The following ASAP1 variants were observed in gnomAD, a reference collection of about 807,000 sequenced individuals.
ASAP1 encodes ArfGAP with SH3 domain, ankyrin repeat and PH domain 1.
In ASAP1, 43 loss-of-function variants were observed where a neutral mutation model predicts 145.2. That is an observed-to-expected ratio of 0.30 (90% CI 0.23 to 0.38). The LOEUF is 0.38. Among genes scored for constraint, ASAP1 ranks in the 10% least tolerant of loss-of-function variants. The probability of loss-of-function intolerance (pLI) is 1.00; values close to 1 mark genes in which losing one functional copy is unlikely to be tolerated. For synonymous variants in ASAP1, 546 were observed against 515.5 expected (o/e 1.06, Z -0.80); for missense variants, 1,018 against 1,355.3 (o/e 0.75, Z 3.91).
rs1173812599 is a variant in ASAP1 at position 130,053,307 on chromosome 8, T to G, written c.*1424A>C. 6.6e-6 allele frequency: 1 copy of G among 152,258 alleles called. No homozygotes were observed. The highest frequency in any genetic ancestry group is 1.5e-5 in the Non-Finnish European group (1 of 68,032). The allele number at this position is 152,258 out of a possible 1,614,324, so 9.4% of individuals were successfully genotyped here. A position where few individuals can be genotyped will look rare whatever the true frequency, so the allele number is the denominator to read the frequency against. ...GCAAATGTAGTGCCAGAATGACACATGAGCCTCGGACTCAGGGAACAGTTC... is the reference window on the plus strand; with the variant it reads ...GCAAATGTAGTGCCAGAATGACACAGGAGCCTCGGACTCAGGGAACAGTTC... On this transcript the variant is annotated 3_prime_UTR_variant, in exon 30 of 30. Coordinates refer to ENST00000518721, the MANE Select transcript of ASAP1 (RefSeq NM_018482.4).
intron 1 of ASAP1, among the ~76,000 whole-genome samples, chr8:130,436,496 G>A (rs953284402): frequency 6.6e-6 from 1 of 152,164 alleles, no homozygotes; most frequent in Non-Finnish European, 1.5e-5. Flanking sequence ...TTTTTGGAGA[G>A]GTGAGGTTTC....
intron 3 of ASAP1, among the ~76,000 whole-genome samples, chr8:130,256,156 C>T (rs1586694829): frequency 6.6e-6 from 1 of 152,152 alleles, no homozygotes; most frequent in East Asian, 1.9e-4. Context: ...TTATGTTCCA[C>T]TAGGTATTGT....
chr8:130,233,892 T>C (rs574477764), intron 4 of ASAP1, among the ~76,000 whole-genome samples: 84 of 152,252 alleles, frequency 5.5e-4, no homozygotes, highest in African/African-American at 2.0e-3. Context: ...ACGAAAAACA[T>C]AGTACTAGTC....
chr8:130,098,677 A>G (rs924296206), intron 24 of ASAP1, among the ~76,000 whole-genome samples: 1 of 152,200 alleles, frequency 6.6e-6, no homozygotes. Flanking sequence ...ACAATTGTAC[A>G]TATTTATAGG....
At chr8:130,412,494 G>A (rs554170688) in intron 1 of ASAP1, among the ~76,000 whole-genome samples, 11 of 152,012 alleles carry the variant, frequency 7.2e-5, no homozygotes, top group Admixed American at 5.2e-4. Flanking sequence ...CCCAGAAGCC[G>A]AGCAGATGCC....
intron 25 of ASAP1, chr8:130,082,762 T>C (rs2097484005): frequency 6.7e-6 from 1 of 149,072 alleles, no homozygotes; most frequent in Non-Finnish European, 1.5e-5. Flanking sequence ...CTCACTGTAT[T>C]TCCCAGGCTG....
chr8:130,183,100 A>G (rs1026713657), intron 7 of ASAP1, among the ~76,000 whole-genome samples: 4 of 152,148 alleles, frequency 2.6e-5, no homozygotes, highest in Non-Finnish European at 4.4e-5. Flanking sequence ...TCAAACTTGT[A>G]AACAGAAAGA....
rs1829658085 is a variant in ASAP1, at chr8:130,420,163, G to C, written c.-27-18193C>G. ...GGTGAGAAGATGCTTAAAGGCATTA[G>C]TCATTAGGGAAATGCAAATCAAAAC... On this transcript the variant is annotated intron_variant, in intron 1 of 29. Transcript: ENST00000518721. Among the ~76,000 whole-genome samples the C allele has an allele frequency of 2.6e-5, 4 of 151,174 alleles. No homozygotes were observed. In the South Asian group the frequency reaches 8.4e-4, roughly 32 times the overall value.
At chr8:130,430,150 A>G (rs1830088525) in intron 1 of ASAP1, among the ~76,000 whole-genome samples, 1 of 152,258 alleles carries the variant, frequency 6.6e-6, no homozygotes, top group South Asian at 2.1e-4. Context: ...TCTCGAATTT[A>G]GCAAAAGAGA....
At chr8:130,423,889 T>C (rs1276542346) in intron 1 of ASAP1, among the ~76,000 whole-genome samples, 1 of 151,672 alleles carries the variant, frequency 6.6e-6, no homozygotes, top group Non-Finnish European at 1.5e-5. Context: ...AAAGGTTATC[T>C]AGGGCTGGGG....
chr8:130,368,302 T>A (rs1827055649), intron 2 of ASAP1, among the ~76,000 whole-genome samples: 1 of 152,198 alleles, frequency 6.6e-6, no homozygotes, highest in African/African-American at 2.4e-5. Flanking sequence ...GGGTTTTGTG[T>A]GAATAAACTA....
chr8:130,155,383 G>A (rs908949124), intron 12 of ASAP1, among the ~76,000 whole-genome samples: 2 of 152,172 alleles, frequency 1.3e-5, no homozygotes, highest in Non-Finnish European at 2.9e-5. Context: ...TTGTGTGCGA[G>A]AGAGACAGGG....
intron 3 of ASAP1, among the ~76,000 whole-genome samples, chr8:130,240,767 G>A (rs1818475807): frequency 6.6e-6 from 1 of 152,142 alleles, no homozygotes; most frequent in African/African-American, 2.4e-5. Context: ...AAGGATCAGG[G>A]ATGGTAGTCT....
At chr8:130,184,321 C>T (rs906697179) in intron 7 of ASAP1, among the ~76,000 whole-genome samples, 3 of 152,186 alleles carry the variant, frequency 2.0e-5, no homozygotes, top group African/African-American at 7.2e-5. Flanking sequence ...AGCAATACAT[C>T]ACAGCTAAAG....
At chr8:130,299,463 C>T (rs1490359064) in intron 3 of ASAP1, among the ~76,000 whole-genome samples, 3 of 152,158 alleles carry the variant, frequency 2.0e-5, no homozygotes, top group Non-Finnish European at 4.4e-5. Flanking sequence ...TGGTTGTATG[C>T]CCAACACTAT....
chr8:130,425,031 G>C, intron 1 of ASAP1, among the ~76,000 whole-genome samples: 1 of 144,074 alleles, frequency 6.9e-6, no homozygotes, highest in Non-Finnish European at 1.6e-5. Flanking sequence ...AAAAAGAGTG[G>C]ACAAACAGTG....
rs762983831 is a variant in ASAP1, at chr8:130,214,611, G to A, written c.350C>T (p.Ala117Val). 4 of 1,612,974 alleles carry A rather than the reference G, an allele frequency of 2.5e-6. No homozygotes were observed. Among genetic ancestry groups the A allele is most frequent in the Non-Finnish European group, 3.4e-6 (4 of 1,179,434 alleles). Reference protein sequence around the residue: ...LSRDNPDLGTAFVKFSTLTKE... With the variant: ...LSRDNPDLGTVFVKFSTLTKE... The stretch of plus-strand genomic sequence containing the variant: ...TGTAAGAGTAGAAAACTTGACAAAC[G>A]CGGTGCCAAGGTCGGGGTTGTCTCG... The change falls in exon 5 of 30, where the codon GCG becomes GTG. Residue 117 changes from alanine (A) to valine (V), a missense_variant. By Grantham distance (64) the Ala-to-Val change is moderately conservative (BLOSUM62 0). Around this residue, in one of 9 missense-constraint regions of ASAP1, gnomAD observed 78 missense variants for 161.0 expected, o/e 0.48. Transcript: ENST00000518721.
At chr8:130,261,660 C>T (rs1295251377) in intron 3 of ASAP1, among the ~76,000 whole-genome samples, 1 of 152,078 alleles carries the variant, frequency 6.6e-6, no homozygotes, top group African/African-American at 2.4e-5. Context: ...GGTGGAAGTA[C>T]CCTGAGGCAA....
chr8:130,202,695 C>T (rs751807784), intron 5 of ASAP1, among the ~76,000 whole-genome samples: 1 of 152,148 alleles, frequency 6.6e-6, no homozygotes, highest in Non-Finnish European at 1.5e-5. Context: ...TTCTTAGATA[C>T]TCTTGCTTTC....
Sources: gnomAD v4.1 joint callset for allele counts (sites outside exome capture counted in the v4.1 genomes callset) on GRCh38, gnomAD v4.1.1 for gene constraint, gnomAD v4.1.1 regional missense constraint, MANE v1.5 for transcripts, NCBI Gene and HGNC (gene_info 2026-07-23, HGNC 2026-07-21) for gene names.